Variants in CCDC60 observed in about 807,000 individuals in gnomAD.
CCDC60 encodes coiled-coil domain containing 60.
A neutral mutation model predicts 63.5 loss-of-function variants in CCDC60; 54 were observed. The observed-to-expected ratio is 0.85, with a 90% confidence interval of 0.68 to 1.07. The LOEUF is 1.07. Among genes scored for constraint, CCDC60 ranks in the 50% least tolerant of loss-of-function variants. CCDC60 has a pLI of 0.00. For missense variants in CCDC60, 651 were observed against 684.3 expected (o/e 0.95, Z 0.54); for synonymous variants, 206 against 238.8 (o/e 0.86, Z 1.27).
chr12:119,485,845 G>A (rs1470580036), intron 4 of CCDC60, among the ~76,000 whole-genome samples: 1 of 152,170 alleles, frequency 6.6e-6, no homozygotes, highest in African/African-American at 2.4e-5. Flanking sequence ...GCAAGAGAGG[G>A]AGAGGGTCAG....
At chr12:119,366,057 A>G (rs528128210) in intron 1 of CCDC60, among the ~76,000 whole-genome samples, 1 of 152,356 alleles carries the variant, frequency 6.6e-6, no homozygotes, top group African/African-American at 2.4e-5. Flanking sequence ...ATAAATAGAC[A>G]GATAGATATA....
chr12:119,382,863 C>CA (rs1956022393), intron 1 of CCDC60, among the ~76,000 whole-genome samples: 1 of 152,182 alleles, frequency 6.6e-6, no homozygotes, highest in Admixed American at 6.5e-5. Context: ...CATCCCAATA[C>CA]ACTCAATGTG....
chr12:119,364,052 A>G (rs1224522412), intron 1 of CCDC60, among the ~76,000 whole-genome samples: 2 of 152,182 alleles, frequency 1.3e-5, no homozygotes, highest in Non-Finnish European at 1.5e-5. Flanking sequence ...TGCTGTTGCA[A>G]TGAAAACAAT....
Position 119,335,097 on chromosome 12 carries a change from T to C in CCDC60, c.-80T>C. The C allele has an allele frequency of 8.6e-7, 1 of 1,162,386 alleles. No homozygotes were observed. Among genetic ancestry groups the C allele is most frequent in the South Asian group, 1.4e-5 (1 of 69,448 alleles). The allele number at this position is 1,162,386 out of a possible 1,614,324, so 72.0% of individuals were successfully genotyped here. A position where few individuals can be genotyped will look rare whatever the true frequency, so the allele number is the denominator to read the frequency against. On this transcript the variant is annotated 5_prime_UTR_variant, in exon 1 of 14. Coordinates refer to ENST00000327554, the MANE Select transcript of CCDC60 (RefSeq NM_178499.5). ...AGGGAGAAGTTGCCGAAACTTCTCA[T>C]ACCAGTAACTACTGAAGTAGAAGAT...
At chr12:119,520,539 A>ATT in intron 9 of CCDC60, among the ~76,000 whole-genome samples, 1 of 132,190 alleles carries the variant, frequency 7.6e-6, no homozygotes. Context: ...TTTAGAGAAT[A>ATT]TTCTTTTTTT....
At chr12:119,361,614 C>A (rs970807430) in intron 1 of CCDC60, among the ~76,000 whole-genome samples, 5 of 152,140 alleles carry the variant, frequency 3.3e-5, no homozygotes, top group African/African-American at 1.2e-4. Context: ...CCAGGGTTAC[C>A]CACATTTGAG....
chr12:119,465,040 G>A (rs892876772), intron 2 of CCDC60, among the ~76,000 whole-genome samples: 1 of 152,180 alleles, frequency 6.6e-6, no homozygotes, highest in African/African-American at 2.4e-5. Context: ...GGCCAGGCGC[G>A]GTGGCTCATG....
At chr12:119,529,586 G>T (rs917769430) in intron 12 of CCDC60, among the ~76,000 whole-genome samples, 1 of 152,168 alleles carries the variant, frequency 6.6e-6, no homozygotes, top group African/African-American at 2.4e-5. Flanking sequence ...ATGTGAAACA[G>T]GAACTTACAA....
chr12:119,455,867 GGGAA>G lies in CCDC60; in HGVS notation c.171-16114_171-16111del, dbSNP rs1349187920. On this transcript the variant is annotated intron_variant, in intron 2 of 13. Transcript: ENST00000327554. ...GAAGGAAGGAAGAAAAGAAAAGGGA[GGGAA>G]GGAAGGAAGGAAAAGAAAGGAAAGA... Among the ~76,000 whole-genome samples, 8 of 146,198 alleles carry G rather than the reference GGGAA, an allele frequency of 5.5e-5. No individual in the cohort carries two copies. The South Asian group carries it at 6.6e-4, about 12-fold the overall frequency.
At chr12:119,396,665 AGGT>A (rs1376735916) in intron 1 of CCDC60, among the ~76,000 whole-genome samples, 2 of 152,190 alleles carry the variant, frequency 1.3e-5, no homozygotes, top group Admixed American at 1.3e-4. Context: ...GGATCACTTG[AGGT>A]CAAGAGTTCA....
At chr12:119,394,460 G>C (rs1331598531) in intron 1 of CCDC60, among the ~76,000 whole-genome samples, 1 of 152,186 alleles carries the variant, frequency 6.6e-6, no homozygotes, top group Non-Finnish European at 1.5e-5. Context: ...TCCAGGCAAG[G>C]ACATACTCCG....
chr12:119,509,753 T>C (rs1952160386), intron 7 of CCDC60, among the ~76,000 whole-genome samples: 2 of 152,224 alleles, frequency 1.3e-5, no homozygotes, highest in African/African-American at 4.8e-5. Context: ...CATTTAATCC[T>C]CACAAGAACT....
intron 1 of CCDC60, among the ~76,000 whole-genome samples, chr12:119,344,518 G>A (rs1955566694): frequency 6.6e-6 from 1 of 152,080 alleles, no homozygotes; most frequent in African/African-American, 2.4e-5. Flanking sequence ...CTGGTCCATA[G>A]CACCATTATT....
chr12:119,440,249 G>A (rs947988859), intron 2 of CCDC60, among the ~76,000 whole-genome samples: 2 of 152,182 alleles, frequency 1.3e-5, no homozygotes, highest in African/African-American at 2.4e-5. Context: ...AATAAAATCC[G>A]ACCGGGCACG....
intron 4 of CCDC60, among the ~76,000 whole-genome samples, chr12:119,482,049 A>G (rs958833218): frequency 6.9e-5 from 10 of 145,026 alleles, no homozygotes; most frequent in African/African-American, 1.5e-4. Flanking sequence ...ATGTATATAT[A>G]TGTGTGTATA....
chr12:119,375,352 T>C (rs1470240013), intron 1 of CCDC60, among the ~76,000 whole-genome samples: 1 of 152,204 alleles, frequency 6.6e-6, no homozygotes, highest in African/African-American at 2.4e-5. Flanking sequence ...CTGTGGCCAA[T>C]TTCAAGCTAT....
At chr12:119,445,342 G>A (rs1950522477) in intron 2 of CCDC60, among the ~76,000 whole-genome samples, 1 of 148,164 alleles carries the variant, frequency 6.7e-6, no homozygotes, top group Non-Finnish European at 1.5e-5. Flanking sequence ...GCTGAGGTGG[G>A]AGAATCGCTT....
At chr12:119,488,928 T>G in intron 5 of CCDC60, 62 bp downstream of exon 5, 2 of 1,313,340 alleles carry the variant, frequency 1.5e-6, no homozygotes, top group Non-Finnish European at 2.2e-6. Context: ...GGGAAGAGAT[T>G]CCTGTATGTT....
chr12:119,409,624 T>C (rs1207814753), intron 1 of CCDC60, among the ~76,000 whole-genome samples: 1 of 152,212 alleles, frequency 6.6e-6, no homozygotes, highest in African/African-American at 2.4e-5. Flanking sequence ...TTTGCAAACA[T>C]AGAAGACTGG....
Sources: gnomAD v4.1 joint callset for allele counts (sites outside exome capture counted in the v4.1 genomes callset) on GRCh38, gnomAD v4.1.1 for gene constraint, MANE v1.5 for transcripts, NCBI Gene and HGNC (gene_info 2026-07-23, HGNC 2026-07-21) for gene names.